Variants in PTPRD observed in about 807,000 individuals in gnomAD.
The protein encoded by PTPRD is receptor-type tyrosine-protein phosphatase delta.
PTPRD carries 34 observed loss-of-function variants against 214.5 expected under a neutral mutation model. That is an observed-to-expected ratio of 0.16 (90% CI 0.12 to 0.21). The LOEUF is 0.21. Ranked by LOEUF, PTPRD falls within the 10% of genes least tolerant of loss-of-function variation. The pLI, the probability that PTPRD is intolerant of heterozygous loss-of-function variation, is 1.00. For missense variants in PTPRD, 2,545 were observed against 2,398.7 expected (o/e 1.06, Z -1.27); for synonymous variants, 1,128 against 845.7 (o/e 1.33, Z -5.79).
intron 10 of PTPRD, among the ~76,000 whole-genome samples, chr9:9,149,214 C>G (rs906891207): frequency 6.6e-6 from 1 of 152,178 alleles, no homozygotes; most frequent in African/African-American, 2.4e-5. Flanking sequence ...ACATTATCTA[C>G]CTCGTAGCCT....
At chr9:8,961,028 A>G (rs1432934093) in intron 11 of PTPRD, among the ~76,000 whole-genome samples, 1 of 152,126 alleles carries the variant, frequency 6.6e-6, no homozygotes, top group Non-Finnish European at 1.5e-5. Context: ...GTCAAATATC[A>G]ACAATCAATT....
At chr9:8,973,843 G>T (rs567156252) in intron 11 of PTPRD, among the ~76,000 whole-genome samples, 34 of 152,092 alleles carry the variant, frequency 2.2e-4, no homozygotes, top group African/African-American at 8.0e-4. Flanking sequence ...TCATGTGTTT[G>T]TTGGCTGCTT....
At chr9:9,116,385 C>T (rs919260538) in intron 10 of PTPRD, among the ~76,000 whole-genome samples, 5 of 152,070 alleles carry the variant, frequency 3.3e-5, no homozygotes, top group African/African-American at 1.2e-4. Context: ...CCAAATACCA[C>T]ATGTTCTCAC....
chr9:9,269,343 A>G (rs1941761388), intron 9 of PTPRD, among the ~76,000 whole-genome samples: 1 of 151,394 alleles, frequency 6.6e-6, no homozygotes, highest in African/African-American at 2.4e-5. Context: ...CATTAGCAAA[A>G]AGTTAAAAGA....
chr9:9,227,397 C>T (rs2099960188), intron 9 of PTPRD, among the ~76,000 whole-genome samples: 1 of 152,104 alleles, frequency 6.6e-6, no homozygotes, highest in Non-Finnish European at 1.5e-5. Context: ...GAAAATATCT[C>T]CAGGTCTGAA....
chr9:9,364,589 G>C (rs1414180729), intron 9 of PTPRD, among the ~76,000 whole-genome samples: 1 of 151,442 alleles, frequency 6.6e-6, no homozygotes, highest in African/African-American at 2.4e-5. Context: ...AAACGGTCTT[G>C]AGTGGCAGAG....
intron 11 of PTPRD, among the ~76,000 whole-genome samples, chr9:8,949,260 C>T (rs1262354005): frequency 6.6e-6 from 1 of 150,982 alleles, no homozygotes; most frequent in African/African-American, 2.4e-5. Flanking sequence ...TTGTTTCTAT[C>T]ATGAAATAAA....
chr9:9,156,517 GAAAACTATT>G (rs2154491935), intron 10 of PTPRD, among the ~76,000 whole-genome samples: 1 of 151,724 alleles, frequency 6.6e-6, no homozygotes, highest in African/African-American at 2.4e-5. Context: ...ATTTATTTTT[GAAAACTATT>G]AACAGCCAAC....
chr9:9,766,713 C>T (rs916612825), intron 6 of PTPRD, 97 bp downstream of exon 6: 6 of 152,108 alleles, frequency 3.9e-5, no homozygotes, highest in African/African-American at 9.7e-5. Flanking sequence ...CCCATGATAC[C>T]GTATTTCCAA....
intron 8 of PTPRD, among the ~76,000 whole-genome samples, chr9:9,495,349 A>AAC (rs1157043215): frequency 6.6e-6 from 1 of 151,670 alleles, no homozygotes; most frequent in Non-Finnish European, 1.5e-5. Context: ...CAACAACAAA[A>AAC]ACCCAACAGT....
intron 4 of PTPRD, among the ~76,000 whole-genome samples, chr9:10,014,187 C>G (rs1376503541): frequency 6.6e-6 from 1 of 151,896 alleles, no homozygotes; most frequent in African/African-American, 2.4e-5. Context: ...TGACATCAAT[C>G]AGTAATGATA....
At chr9:8,927,306 G>C (rs2098906981) in intron 11 of PTPRD, among the ~76,000 whole-genome samples, 1 of 151,994 alleles carries the variant, frequency 6.6e-6, no homozygotes, top group African/African-American at 2.4e-5. Flanking sequence ...ATGTGTCATG[G>C]TGGTGTGCTG....
intron 6 of PTPRD, among the ~76,000 whole-genome samples, chr9:9,754,001 T>C (rs1244030113): frequency 6.6e-6 from 1 of 152,104 alleles, no homozygotes; most frequent in African/African-American, 2.4e-5. Context: ...GCAATTATTA[T>C]ATTATACCAT....
At chr9:10,070,450 T>C (rs559423198) in intron 3 of PTPRD, among the ~76,000 whole-genome samples, 4 of 152,150 alleles carry the variant, frequency 2.6e-5, no homozygotes, top group African/African-American at 9.6e-5. Flanking sequence ...GAGTAATATT[T>C]AGCACAATAA....
chr9:9,938,263 A>G (rs1335601577), intron 5 of PTPRD, among the ~76,000 whole-genome samples: 3 of 152,192 alleles, frequency 2.0e-5, no homozygotes. Context: ...CTCAGTTCAG[A>G]AAGAAATCCA....
chr9:10,279,751 T>C (rs909712932), intron 3 of PTPRD, among the ~76,000 whole-genome samples: 1 of 151,584 alleles, frequency 6.6e-6, no homozygotes, highest in Non-Finnish European at 1.5e-5. Context: ...AGTTAAAATG[T>C]CAAGCTTTCA....
intron 3 of PTPRD, among the ~76,000 whole-genome samples, chr9:10,230,456 C>G (rs891045247): frequency 5.3e-5 from 8 of 151,274 alleles, no homozygotes; most frequent in Admixed American, 3.3e-4. Context: ...ATCTATCTAT[C>G]TATCTATCTA....
chr9:10,414,822 C>A (rs1380074241), intron 2 of PTPRD, among the ~76,000 whole-genome samples: 2 of 151,772 alleles, frequency 1.3e-5, no homozygotes, highest in African/African-American at 4.8e-5. Flanking sequence ...TTATCCTCAG[C>A]AAACTAATGC....
chr9:9,318,753 C>A (rs1964796381), intron 9 of PTPRD, among the ~76,000 whole-genome samples: 1 of 152,086 alleles, frequency 6.6e-6, no homozygotes, highest in East Asian at 1.9e-4. Context: ...ATCTAATCTA[C>A]TTTTATCATA....
Sources: gnomAD v4.1 joint callset for allele counts (sites outside exome capture counted in the v4.1 genomes callset) on GRCh38, gnomAD v4.1.1 for gene constraint, MANE v1.5 for transcripts, NCBI Gene and HGNC (gene_info 2026-07-23, HGNC 2026-07-21) for gene names.